The following PSMF1 variants were observed in gnomAD, a reference collection of about 807,000 sequenced individuals.
PSMF1 encodes proteasome inhibitor PI31 subunit.
Under a neutral mutation model 29.3 loss-of-function variants are expected in PSMF1, and 30 were observed. The observed-to-expected ratio is 1.02, with a 90% confidence interval of 0.77 to 1.39. The LOEUF (loss-of-function observed/expected upper bound fraction) is 1.39, where lower values mean the gene tolerates loss of function less well. PSMF1 is among the 40% of genes most tolerant of loss of function. The probability of loss-of-function intolerance (pLI) is 0.00; values close to 1 mark genes in which losing one functional copy is unlikely to be tolerated. For missense variants in PSMF1, 344 were observed against 357.5 expected (o/e 0.96, Z 0.31); for synonymous variants, 134 against 139.7 (o/e 0.96, Z 0.29).
intron 1 of PSMF1, among the ~76,000 whole-genome samples, chr20:1,122,846 G>T (rs1486838961): frequency 1.3e-5 from 2 of 152,200 alleles, no homozygotes; most frequent in Admixed American, 6.5e-5. Context: ...GAAGCCAAAG[G>T]TGATGGGGTG....
Position 1,127,407 on chromosome 20 carries a change from T to G in PSMF1, c.283-19T>G. The G allele has an allele frequency of 6.4e-7, 1 of 1,560,102 alleles. No individual in the cohort carries two copies. Among genetic ancestry groups the G allele is most frequent in the Non-Finnish European group, 8.8e-7 (1 of 1,130,734 alleles). On this transcript the variant is annotated intron_variant, in intron 2 of 6. Coordinates refer to ENST00000335877, the MANE Select transcript of PSMF1 (RefSeq NM_006814.5). ...CCAGAAATATCCCAGTCTCTCACTT[T>G]CTATTTTCACCCATCTAGGAATATG...
At chr20:1,137,774 C>T (rs2122519229) in intron 4 of PSMF1, among the ~76,000 whole-genome samples, 1 of 152,210 alleles carries the variant, frequency 6.6e-6, no homozygotes, top group Non-Finnish European at 1.5e-5. Flanking sequence ...TATTAGATAG[C>T]ATTATGAATT....
Position 1,169,060 on chromosome 20 carries a change from G to T in PSMF1, c.*3980G>T, listed in dbSNP as rs73893603. Among the ~76,000 whole-genome samples, 1,761 of 152,290 alleles carry T rather than the reference G, an allele frequency of 0.012. 31 individuals carry two copies. Among genetic ancestry groups the T allele is most frequent in the African/African-American group, 0.041 (1,691 of 41,548 alleles). ...CTCTGGAGTTCCTAATCCCCAGATT[G>T]TAGCAATGATGATGTGATCCTGCTG... On this transcript the variant is annotated 3_prime_UTR_variant, in exon 7 of 7. Transcript: ENST00000335877.
At chr20:1,140,520 C>T (rs1035781278) in intron 4 of PSMF1, among the ~76,000 whole-genome samples, 4 of 152,104 alleles carry the variant, frequency 2.6e-5, no homozygotes, top group Non-Finnish European at 5.9e-5. Context: ...TAGTCTTATT[C>T]CCTGACCTTC....
intron 3 of PSMF1, among the ~76,000 whole-genome samples, chr20:1,131,975 C>T (rs2086235185): frequency 6.6e-6 from 1 of 152,172 alleles, no homozygotes; most frequent in Admixed American, 6.5e-5. Context: ...GCAAGCAGCT[C>T]ATTTTTTACC....
Position 1,171,411 on chromosome 20 carries a change from C to T in PSMF1, c.*6331C>T, listed in dbSNP as rs1375192692. Among the ~76,000 whole-genome samples, 1 of 152,134 alleles carries T rather than the reference C, an allele frequency of 6.6e-6. No individual in the cohort carries two copies. The highest frequency in any genetic ancestry group is 1.5e-5 in the Non-Finnish European group (1 of 68,032). ...TGGCTCCATGTGCTGCTCACCTCGG[C>T]CTTCTGAGTTTAGTAGGATGGCAGC... is the stretch of plus-strand genomic sequence containing the variant. On this transcript the variant is annotated 3_prime_UTR_variant, in exon 7 of 7. Transcript: ENST00000335877.
At chr20:1,137,787 T>G (rs1338871050) in intron 4 of PSMF1, among the ~76,000 whole-genome samples, 1 of 152,222 alleles carries the variant, frequency 6.6e-6, no homozygotes, top group African/African-American at 2.4e-5. Flanking sequence ...TATGAATTAC[T>G]GCCAGTTTTG....
Position 1,135,288 on chromosome 20 carries a change from C to T in PSMF1, c.533C>T (p.Thr178Ile), listed in dbSNP as rs893976479. Residue 178 changes from threonine to isoleucine, a missense_variant, in exon 4 of 7, where the codon ACC becomes ATC. Thr to Ile is a moderately conservative substitution (Grantham distance 89). Coordinates refer to ENST00000335877, the MANE Select transcript of PSMF1 (RefSeq NM_006814.5). ...PLRIPPHHPH[T>I]SRQPPWCDPL... ...CGGATTCCTCCACACCACCCACACACCAGTCGGCAGCCTCCCTGGTGAGTA... is the reference window on the plus strand; with the variant it reads ...CGGATTCCTCCACACCACCCACACATCAGTCGGCAGCCTCCCTGGTGAGTA... 1 of 1,612,874 alleles carries T rather than the reference C, an allele frequency of 6.2e-7. No homozygotes were observed. The highest frequency in any genetic ancestry group is 1.1e-5 in the South Asian group (1 of 90,946).
At chr20:1,140,614 CAAAATT>C (rs2086369210) in intron 4 of PSMF1, among the ~76,000 whole-genome samples, 1 of 151,970 alleles carries the variant, frequency 6.6e-6, no homozygotes, top group Non-Finnish European at 1.5e-5. Flanking sequence ...CAAACTTTGT[CAAAATT>C]AAAATATTTT....
At chr20:1,134,792 G>T in intron 3 of PSMF1, 1 of 395,416 alleles carries the variant, frequency 2.5e-6, no homozygotes, top group South Asian at 2.1e-5. Context: ...ACACAATGAA[G>T]CTGAGGGAGG....
intron 1 of PSMF1, among the ~76,000 whole-genome samples, chr20:1,123,269 C>T (rs1382346002): frequency 6.6e-6 from 1 of 152,152 alleles, no homozygotes; most frequent in East Asian, 1.9e-4. Context: ...CAGCAATTCT[C>T]AATGTGTGGT....
At chr20:1,143,107 C>T (rs1249421094) in intron 4 of PSMF1, among the ~76,000 whole-genome samples, 3 of 152,110 alleles carry the variant, frequency 2.0e-5, no homozygotes, top group Non-Finnish European at 4.4e-5. Flanking sequence ...AATGCAATTC[C>T]TATCAAAAAT....
chr20:1,113,799 T>C (rs900356663), upstream of PSMF1, among the ~76,000 whole-genome samples: 1 of 152,132 alleles, frequency 6.6e-6, no homozygotes, highest in African/African-American at 2.4e-5. Context: ...TTCACGCCAT[T>C]CTCCTGCCTC....
rs2086765797 is a variant in PSMF1 at position 1,169,229 on chromosome 20, GAGGGTGGGTCAAAAGGCA to G, written c.*4157_*4174del. On this transcript the variant is annotated 3_prime_UTR_variant, in exon 7 of 7. Transcript: ENST00000335877. ...CGTACTTGGCCCTGAATCTGTCCTG[GAGGGTGGGTCAAAAGGCA>G]AGGGTGGCAGGTAGGATGGTAGGCA... Among the ~76,000 whole-genome samples, 1 of 152,198 alleles carries G rather than the reference GAGGGTGGGTCAAAAGGCA, an allele frequency of 6.6e-6. No individual in the cohort carries two copies. The highest frequency in any genetic ancestry group is 2.1e-4 in the South Asian group (1 of 4,826).
upstream of PSMF1, chr20:1,117,998 G>T (rs1464375850): frequency 6.6e-6 from 1 of 152,232 alleles, no homozygotes; most frequent in East Asian, 1.9e-4. Flanking sequence ...TCTGCAAAAT[G>T]GGGATAATAA....
intron 1 of PSMF1, among the ~76,000 whole-genome samples, chr20:1,123,163 G>T (rs193132358): frequency 6.6e-6 from 1 of 152,300 alleles, no homozygotes; most frequent in African/African-American, 2.4e-5. Flanking sequence ...ATCCAGCCAG[G>T]TTTTAAACCA....
rs1222418275 is a variant in PSMF1 at position 1,138,700 on chromosome 20, C to A, written c.551+3394C>A. Among the ~76,000 whole-genome samples, 9 of 151,752 alleles carry A rather than the reference C, an allele frequency of 5.9e-5. No individual in the cohort carries two copies. The East Asian group carries it at 1.7e-3, about 29-fold the overall frequency. On this transcript the variant is annotated intron_variant, in intron 4 of 6. Transcript: ENST00000335877. Reference sequence around the variant, plus strand: ...ATTAGCCAGGCTTGATGGCATATACCTATAGTCCCAGCTACTTAGGGTGCT... The same window carrying A: ...ATTAGCCAGGCTTGATGGCATATACATATAGTCCCAGCTACTTAGGGTGCT...
intron 2 of PSMF1, 132 bp downstream of exon 2, chr20:1,125,782 C>T: frequency 8.0e-7 from 1 of 1,245,844 alleles, no homozygotes; most frequent in Non-Finnish European, 1.1e-6. Flanking sequence ...ACTTCTGGAA[C>T]TTTATCTTAA....
intron 4 of PSMF1, among the ~76,000 whole-genome samples, chr20:1,146,614 G>A (rs1411069429): frequency 6.6e-6 from 1 of 152,140 alleles, no homozygotes; most frequent in Non-Finnish European, 1.5e-5. Context: ...TCTGAAGGAA[G>A]GACTTGGTTC....
Sources: gnomAD v4.1 joint callset for allele counts (sites outside exome capture counted in the v4.1 genomes callset) on GRCh38, gnomAD v4.1.1 for gene constraint, MANE v1.5 for transcripts, NCBI Gene and HGNC (gene_info 2026-07-23, HGNC 2026-07-21) for gene names.